CLMP: variants seen among roughly 807,000 people sequenced by gnomAD.
CLMP encodes CXADR-like membrane protein.
CLMP carries 27 observed loss-of-function variants against 45.2 expected under a neutral mutation model. That is an observed-to-expected ratio of 0.60 (90% CI 0.44 to 0.82). CLMP has a LOEUF of 0.82. CLMP is among the 40% of genes least tolerant of loss of function. CLMP has a pLI of 0.00. For synonymous variants in CLMP, 167 were observed against 171.4 expected (o/e 0.97, Z 0.20); for missense variants, 403 against 448.4 (o/e 0.90, Z 0.91).
At chr11:123,118,953 CTT>C (rs1332453777) in intron 1 of CLMP, among the ~76,000 whole-genome samples, 1 of 26,628 alleles carries the variant, frequency 3.8e-5, no homozygotes, top group Admixed American at 5.2e-4. Flanking sequence ...TTCTTTCTTT[CTT>C]TCTTTCTTTC....
At chr11:123,115,905 C>G (rs1860713544) in intron 1 of CLMP, among the ~76,000 whole-genome samples, 1 of 152,112 alleles carries the variant, frequency 6.6e-6, no homozygotes, top group Non-Finnish European at 1.5e-5. Context: ...AGCTGGGTGG[C>G]TCTGACTCAG....
chr11:123,169,042 C>T (rs927248929), intron 1 of CLMP, among the ~76,000 whole-genome samples: 8 of 152,128 alleles, frequency 5.3e-5, no homozygotes, highest in Admixed American at 1.3e-4. Flanking sequence ...AAGCTCTGGT[C>T]CCTCAAAAGA....
At chr11:123,136,221 T>C in intron 1 of CLMP, 1 of 647,486 alleles carries the variant, frequency 1.5e-6, no homozygotes, top group Non-Finnish European at 3.0e-6. Flanking sequence ...ACACCACCCA[T>C]TACAATCTGG....
chr11:123,185,040 C>CT (rs1180422710), intron 1 of CLMP, among the ~76,000 whole-genome samples: 1 of 152,164 alleles, frequency 6.6e-6, no homozygotes, highest in Non-Finnish European at 1.5e-5. Flanking sequence ...AGGAAAGCCT[C>CT]TGTAGATGAG....
intron 5 of CLMP, among the ~76,000 whole-genome samples, chr11:123,076,882 G>T (rs1296464289): frequency 1.3e-5 from 2 of 152,076 alleles, no homozygotes; most frequent in African/African-American, 2.4e-5. Context: ...AATAGTGCAG[G>T]CTGGAGATCA....
intron 2 of CLMP, among the ~76,000 whole-genome samples, chr11:123,091,613 C>T (rs1461661788): frequency 6.6e-6 from 1 of 152,160 alleles, no homozygotes; most frequent in Non-Finnish European, 1.5e-5. Context: ...ACGTCTCCTA[C>T]TGACCATATG....
intron 2 of CLMP, among the ~76,000 whole-genome samples, chr11:123,092,057 T>G (rs1328515559): frequency 6.6e-6 from 1 of 152,128 alleles, no homozygotes; most frequent in Non-Finnish European, 1.5e-5. Context: ...CCTTTTCCTC[T>G]TCTATTTTTG....
At chr11:123,079,366 A>C (rs1220967276) in intron 5 of CLMP, among the ~76,000 whole-genome samples, 2 of 152,096 alleles carry the variant, frequency 1.3e-5, no homozygotes, top group Admixed American at 1.3e-4. Flanking sequence ...CCTAGTGGGG[A>C]AAAAAGGATT....
chr11:123,104,202 C>T (rs1160831867), intron 1 of CLMP, among the ~76,000 whole-genome samples: 1 of 135,270 alleles, frequency 7.4e-6, no homozygotes, highest in East Asian at 2.3e-4. Context: ...GTGCTGTGAT[C>T]TCGGGTTCAT....
At chr11:123,129,272 G>A (rs1860946254) in intron 1 of CLMP, among the ~76,000 whole-genome samples, 1 of 151,110 alleles carries the variant, frequency 6.6e-6, no homozygotes, top group Non-Finnish European at 1.5e-5. Context: ...AGAGGTTGCA[G>A]TGAGCCGAGA....
At chr11:123,176,564 T>C (rs1861702850) in intron 1 of CLMP, among the ~76,000 whole-genome samples, 1 of 152,192 alleles carries the variant, frequency 6.6e-6, no homozygotes, top group Non-Finnish European at 1.5e-5. Context: ...TCCACCCCCA[T>C]GCTGGTAACT....
At chr11:123,118,428 C>G (rs981772644) in intron 1 of CLMP, among the ~76,000 whole-genome samples, 2 of 152,228 alleles carry the variant, frequency 1.3e-5, no homozygotes, top group African/African-American at 4.8e-5. Flanking sequence ...AGCCACCAAG[C>G]CCAGCCAAGA....
chr11:123,166,650 G>A (rs530229582), intron 1 of CLMP, among the ~76,000 whole-genome samples: 28 of 152,170 alleles, frequency 1.8e-4, no homozygotes, highest in Non-Finnish European at 3.1e-4. Flanking sequence ...GAAACTGGGG[G>A]CCATAAGAGC....
At position 123,096,557 on chromosome 11, in the gene CLMP, T is replaced by G. The variant is rs193257185; in HGVS notation, c.186+1238A>C. Among the ~76,000 whole-genome samples the G allele has an allele frequency of 5.7e-4, 87 of 152,156 alleles. 1 individual carries two copies. Among genetic ancestry groups the G allele is most frequent in the Admixed American group, 2.8e-3 (42 of 15,262 alleles). ...AAAATAAATAAATCAATAAACCTAC[T>G]CAGGTTAAAGTGACCTCGCTCTACA... On this transcript the variant is annotated intron_variant, in intron 2 of 6. Coordinates refer to ENST00000448775, the MANE Select transcript of CLMP (RefSeq NM_024769.5).
intron 1 of CLMP, among the ~76,000 whole-genome samples, chr11:123,120,355 T>C (rs75611897): frequency 0.086 from 13,055 of 151,974 alleles, 881 homozygotes; most frequent in African/African-American, 0.19. Flanking sequence ...ACCTCCTGGA[T>C]TGATCCTCTA....
intron 3 of CLMP, 147 bp downstream of exon 3, chr11:123,084,365 C>G (rs1865839832): frequency 9.4e-6 from 6 of 639,542 alleles, no homozygotes; most frequent in African/African-American, 1.8e-5. Context: ...ATACACATTT[C>G]TTTCCAGGGA....
intron 1 of CLMP, among the ~76,000 whole-genome samples, chr11:123,140,359 A>G (rs1861137155): frequency 6.6e-6 from 1 of 152,166 alleles, no homozygotes; most frequent in Non-Finnish European, 1.5e-5. Context: ...AGGTTATTAG[A>G]TCTTGTTTCA....
Position 123,073,235 on chromosome 11 carries a change from C to T in CLMP, c.*239G>A, listed in dbSNP as rs921285363. ...ACAAATAGATTTGGACTCCTGCTTTCCCTTACTCTGGTCTAAAGGCACAAT... is the reference window on the plus strand; with the variant it reads ...ACAAATAGATTTGGACTCCTGCTTTTCCTTACTCTGGTCTAAAGGCACAAT... On this transcript the variant is annotated 3_prime_UTR_variant, in exon 7 of 7. Transcript: ENST00000448775. 6.8e-6 allele frequency: 3 copies of T among 442,388 alleles called. No homozygotes were observed. Among genetic ancestry groups the T allele is most frequent in the Non-Finnish European group, 1.2e-5 (3 of 251,480 alleles). 27.4% of individuals were successfully genotyped at this position (442,388 alleles called of 1,614,324 possible).
chr11:123,138,256 A>G (rs1861105720), intron 1 of CLMP, among the ~76,000 whole-genome samples: 1 of 152,120 alleles, frequency 6.6e-6, no homozygotes. Flanking sequence ...ATATATTCTC[A>G]TTATAAAACA....
Sources: gnomAD v4.1 joint callset for allele counts (sites outside exome capture counted in the v4.1 genomes callset) on GRCh38, gnomAD v4.1.1 for gene constraint, MANE v1.5 for transcripts, NCBI Gene and HGNC (gene_info 2026-07-23, HGNC 2026-07-21) for gene names.